Variants in LY6S observed in about 807,000 individuals in gnomAD.
LY6S encodes lymphocyte antigen 6 family member S.
chr8:143,062,486 C>T, the LY6S span, among the ~76,000 whole-genome samples: 2 of 152,068 alleles, frequency 1.3e-5, no homozygotes, highest in South Asian at 2.1e-4. Context: ...GTCAACATGG[C>T]GAAATCCTGT....
the LY6S span, among the ~76,000 whole-genome samples, chr8:143,072,281 GT>G: frequency 7.3e-6 from 1 of 136,398 alleles, no homozygotes; most frequent in South Asian, 2.4e-4. Flanking sequence ...CGTCCCCGGG[GT>G]TCCTGTTTGA....
chr8:143,070,483 ATATATATTTT>A, the LY6S span, among the ~76,000 whole-genome samples: 4 of 85,966 alleles, frequency 4.7e-5, no homozygotes, highest in African/African-American at 1.5e-4. Flanking sequence ...ATAAATATAT[ATATATATTTT>A]TTTTTTTTTT....
At chr8:143,056,701 CTTTT>C in the LY6S span, among the ~76,000 whole-genome samples, 1 of 152,112 alleles carries the variant, frequency 6.6e-6, no homozygotes, top group African/African-American at 2.4e-5. Context: ...TGACATGTAA[CTTTT>C]TTTAACTTTT....
the LY6S span, chr8:143,066,042 C>A: frequency 2.6e-6 from 1 of 388,860 alleles, no homozygotes; most frequent in Non-Finnish European, 4.9e-6. Flanking sequence ...ACAACCTACA[C>A]AAGAAAGTAG....
At chr8:143,051,090 G>A in the LY6S span, among the ~76,000 whole-genome samples, 3 of 152,228 alleles carry the variant, frequency 2.0e-5, no homozygotes, top group African/African-American at 7.2e-5. Flanking sequence ...GAGCCTGAGC[G>A]AGTGGCAGCC....
At chr8:143,065,766 C>A in the LY6S span, 1 of 97,076 alleles carries the variant, frequency 1.0e-5, no homozygotes, top group Non-Finnish European at 2.2e-5. Flanking sequence ...TTCTTTCTTT[C>A]TTTTCTCTTT....
the LY6S span, among the ~76,000 whole-genome samples, chr8:143,070,433 T>TTATATA: frequency 3.2e-5 from 3 of 94,882 alleles, no homozygotes; most frequent in South Asian, 3.0e-4. Flanking sequence ...TATATATATA[T>TTATATA]TATATATATA....
chr8:143,054,699 T>C, the LY6S span, among the ~76,000 whole-genome samples: 2 of 152,168 alleles, frequency 1.3e-5, no homozygotes, highest in African/African-American at 4.8e-5. Flanking sequence ...CACTGGCTAC[T>C]ACGTCTCCCC....
the LY6S span, among the ~76,000 whole-genome samples, chr8:143,074,779 G>A: frequency 6.6e-6 from 1 of 151,976 alleles, no homozygotes; most frequent in African/African-American, 2.4e-5. Context: ...ATAATTTTTG[G>A]TAGTGTGCTA....
chr8:143,041,190 C>G, the LY6S span, among the ~76,000 whole-genome samples: 1 of 152,186 alleles, frequency 6.6e-6, no homozygotes, highest in Non-Finnish European at 1.5e-5. Flanking sequence ...TCCTAATAAG[C>G]CTGGGAGCAC....
the LY6S span, among the ~76,000 whole-genome samples, chr8:143,073,968 C>T: frequency 6.6e-6 from 1 of 151,854 alleles, no homozygotes; most frequent in African/African-American, 2.4e-5. Flanking sequence ...AGGAGACAGC[C>T]GTCGTCCCCG....
chr8:143,072,649 C>CCCGGGG, the LY6S span, among the ~76,000 whole-genome samples: 1 of 142,416 alleles, frequency 7.0e-6, no homozygotes, highest in Non-Finnish European at 1.6e-5. Context: ...AGCCGTCGTC[C>CCCGGGG]TCGGGGTCCC....
the LY6S span, among the ~76,000 whole-genome samples, chr8:143,045,417 G>A: frequency 1.3e-5 from 2 of 152,100 alleles, no homozygotes; most frequent in Non-Finnish European, 2.9e-5. The surrounding 1 kb of genome is among the most constrained non-coding windows in gnomAD (Gnocchi z 5.3). Flanking sequence ...TCACCCTCCT[G>A]GGGATCGAAT....
chr8:143,044,310 T>A, the LY6S span: 295,297 of 446,164 alleles, frequency 0.66, 98,251 homozygotes, highest in East Asian at 0.74. Context: ...GCAGCTGGCG[T>A]TGGGAGGCTA....
chr8:143,044,736 C>A, the LY6S span: 4 of 1,367,566 alleles, frequency 2.9e-6, no homozygotes, highest in Non-Finnish European at 3.9e-6. Context: ...GGAAGGGGCA[C>A]GAGACCACGC....
chr8:143,054,918 C>T, the LY6S span, among the ~76,000 whole-genome samples: 3 of 152,176 alleles, frequency 2.0e-5, no homozygotes, highest in Admixed American at 6.5e-5. Context: ...GCTGGACTCC[C>T]TGGCTGCCGT....
chr8:143,060,391 G>A, the LY6S span, among the ~76,000 whole-genome samples: 120 of 152,296 alleles, frequency 7.9e-4, no homozygotes, highest in African/African-American at 2.5e-3. Flanking sequence ...TTCATGTTCC[G>A]CCCTGTACAC....
At chr8:143,057,134 T>C in the LY6S span, 1 of 360,272 alleles carries the variant, frequency 2.8e-6, no homozygotes, top group Non-Finnish European at 5.6e-6. Flanking sequence ...TAGGGCCAAA[T>C]CTTGTTGGTT....
At chr8:143,066,528 C>T in the LY6S span, 6 of 285,688 alleles carry the variant, frequency 2.1e-5, no homozygotes, top group South Asian at 4.2e-5. Flanking sequence ...TGCAGCGAAT[C>T]GGCTGCACAT....
Sources: gnomAD v4.1 joint callset for allele counts (sites outside exome capture counted in the v4.1 genomes callset) on GRCh38, gnomAD v4.1.1 for gene constraint, Gnocchi (gnomAD v3.1) non-coding constraint, MANE v1.5 for transcripts, NCBI Gene and HGNC (gene_info 2026-07-23, HGNC 2026-07-21) for gene names.